Variants in MARCHF10 observed in about 807,000 individuals in gnomAD.
MARCHF10 encodes the protein membrane associated ring-CH-type finger 10.
A neutral mutation model predicts 76.2 loss-of-function variants in MARCHF10; 64 were observed. The observed-to-expected ratio is 0.84, with a 90% CI of 0.69 to 1.03. The LOEUF (loss-of-function observed/expected upper bound fraction) is 1.03. Among genes scored for constraint, MARCHF10 ranks in the 50% least tolerant of loss-of-function variants. The probability of loss-of-function intolerance (pLI) is 0.00; values close to 1 mark genes in which losing one functional copy is unlikely to be tolerated. For missense variants in MARCHF10, 875 were observed against 958.0 expected, an observed-to-expected ratio of 0.91 and a Z score of 1.14; for synonymous variants, 340 against 357.5, an observed-to-expected ratio of 0.95 and a Z score of 0.55.
chr17:62,721,257 C>T lies in MARCHF10; in HGVS notation c.2214+1231G>A, dbSNP rs561324232. Among the ~76,000 whole-genome samples, 21 of 152,230 alleles carry T rather than the reference C, an allele frequency of 1.4e-4. No homozygotes were observed. The South Asian group carries it at 2.7e-3, about 20-fold the overall frequency. Reference sequence around the variant, plus strand: ...ATTTTGCACTTTTTAAAGCTTTTTACTTGTTGTTAAAACGAAGTGACAACT... The same window carrying T: ...ATTTTGCACTTTTTAAAGCTTTTTATTTGTTGTTAAAACGAAGTGACAACT... On this transcript the variant is annotated intron_variant, in intron 8 of 10. Coordinates refer to ENST00000311269, the MANE Select transcript of MARCHF10 (RefSeq NM_152598.4).
chr17:62,747,670 G>A (rs574038455), intron 4 of MARCHF10, among the ~76,000 whole-genome samples: 1 of 152,276 alleles, frequency 6.6e-6, no homozygotes, highest in Non-Finnish European at 1.5e-5. Flanking sequence ...GAATAATAAT[G>A]GGAAATCTGA....
intron 9 of MARCHF10, among the ~76,000 whole-genome samples, chr17:62,709,208 G>A (rs1268955037): frequency 4.6e-5 from 7 of 152,124 alleles, no homozygotes; most frequent in Admixed American, 3.9e-4. Flanking sequence ...AGCCGGGCAC[G>A]GGGGCTCACA....
intron 3 of MARCHF10, among the ~76,000 whole-genome samples, chr17:62,773,927 A>T (rs896141511): frequency 6.6e-6 from 1 of 152,222 alleles, no homozygotes; most frequent in Non-Finnish European, 1.5e-5. Flanking sequence ...ATGAGGCAGA[A>T]GATGATGGAT....
chr17:62,763,820 A>G (rs1179857442), intron 3 of MARCHF10, among the ~76,000 whole-genome samples: 1 of 152,196 alleles, frequency 6.6e-6, no homozygotes, highest in African/African-American at 2.4e-5. Flanking sequence ...CATGTTAACT[A>G]AAATAAGTTG....
chr17:62,722,377 C>T, intron 8 of MARCHF10, 111 bp downstream of exon 8: 2 of 705,070 alleles, frequency 2.8e-6, no homozygotes, highest in South Asian at 1.9e-5. Flanking sequence ...TTGTCAGACT[C>T]CTGCCAGCAG....
At chr17:62,790,199 G>A (rs759360631) in intron 2 of MARCHF10, among the ~76,000 whole-genome samples, 5 of 151,538 alleles carry the variant, frequency 3.3e-5, no homozygotes, top group African/African-American at 4.9e-5. Context: ...CCCCCAAGAT[G>A]GAGTCTCGCT....
intron 4 of MARCHF10, among the ~76,000 whole-genome samples, chr17:62,752,797 G>A (rs570389428): frequency 9.2e-5 from 14 of 151,870 alleles, no homozygotes; most frequent in African/African-American, 2.9e-4. Flanking sequence ...TTTTGCTCCC[G>A]CTCAAGCCCT....
At chr17:62,766,944 A>C (rs917517304) in intron 3 of MARCHF10, among the ~76,000 whole-genome samples, 1 of 152,312 alleles carries the variant, frequency 6.6e-6, no homozygotes, top group Admixed American at 6.5e-5. Flanking sequence ...ACCCCTGGGA[A>C]AAGGTGAAAG....
chr17:62,704,470 A>G (rs1269928506), intron 10 of MARCHF10, among the ~76,000 whole-genome samples: 1 of 152,178 alleles, frequency 6.6e-6, no homozygotes, highest in African/African-American at 2.4e-5. Flanking sequence ...GGTCTCTGAA[A>G]ATGGTCAGTT....
chr17:62,790,061 TTAAAA>T (rs1467966503), intron 2 of MARCHF10, among the ~76,000 whole-genome samples: 2 of 152,138 alleles, frequency 1.3e-5, no homozygotes, highest in Non-Finnish European at 2.9e-5. Context: ...CTTAACAAAA[TTAAAA>T]TAAAATCTGG....
At chr17:62,754,954 A>G (rs11079484) in intron 4 of MARCHF10, among the ~76,000 whole-genome samples, 78,602 of 151,982 alleles carry the variant, frequency 0.52, 21,396 homozygotes, top group East Asian at 0.7. Context: ...CTTCAAATAA[A>G]TATTTCCCCA....
chr17:62,797,911 T>C (rs1474587756), intron 2 of MARCHF10, among the ~76,000 whole-genome samples: 1 of 104,090 alleles, frequency 9.6e-6, no homozygotes, highest in East Asian at 3.8e-4. Flanking sequence ...AGTTCTTAGG[T>C]ATACTTGGCA....
intron 5 of MARCHF10, 61 bp downstream of exon 5, chr17:62,744,315 G>C: frequency 6.5e-7 from 1 of 1,543,268 alleles, no homozygotes; most frequent in Non-Finnish European, 8.8e-7. Flanking sequence ...AATTCACCGG[G>C]TAACAGCAAA....
chr17:62,707,251 C>T (rs1174787494), intron 9 of MARCHF10, among the ~76,000 whole-genome samples: 2 of 152,240 alleles, frequency 1.3e-5, no homozygotes, highest in Non-Finnish European at 2.9e-5. Flanking sequence ...CGCTCACAAA[C>T]CCTTCCCGCC....
chr17:62,779,797 C>A (rs1171717250), intron 3 of MARCHF10, among the ~76,000 whole-genome samples: 4 of 152,132 alleles, frequency 2.6e-5, no homozygotes, highest in Non-Finnish European at 4.4e-5. Context: ...TCTGCATGGT[C>A]CAATATGGCA....
intron 2 of MARCHF10, among the ~76,000 whole-genome samples, chr17:62,792,133 C>T (rs1459419084): frequency 6.6e-6 from 1 of 151,922 alleles, no homozygotes; most frequent in Admixed American, 6.6e-5. Context: ...GACCCCCCAC[C>T]CCCCTAGTGC....
chr17:62,776,377 C>G (rs9910639), intron 3 of MARCHF10, among the ~76,000 whole-genome samples: 113,966 of 152,100 alleles, frequency 0.75, 43,616 homozygotes, highest in African/African-American at 0.92. Context: ...GGATCACCCT[C>G]GTGCAAGGAC....
chr17:62,705,298 T>C, intron 10 of MARCHF10: 1 of 1,444,748 alleles, frequency 6.9e-7, no homozygotes, highest in Non-Finnish European at 9.0e-7. Context: ...CTCTTCCCTT[T>C]GTTGGCGCCT....
chr17:62,757,404 G>A (rs1599244970), intron 4 of MARCHF10, among the ~76,000 whole-genome samples: 1 of 152,154 alleles, frequency 6.6e-6, no homozygotes, highest in East Asian at 1.9e-4. Flanking sequence ...GCTAATTCAG[G>A]TACCAAATCC....
Sources: gnomAD v4.1 joint callset for allele counts (sites outside exome capture counted in the v4.1 genomes callset) on GRCh38, gnomAD v4.1.1 for gene constraint, MANE v1.5 for transcripts, NCBI Gene and HGNC (gene_info 2026-07-23, HGNC 2026-07-21) for gene names.